Variants in ADGRF5 observed in about 807,000 individuals in gnomAD.
ADGRF5 encodes G-protein coupled receptor 116.
A neutral mutation model predicts 132.3 loss-of-function variants in ADGRF5; 75 were observed. That is an observed-to-expected ratio of 0.57 (90% CI 0.47 to 0.69). The LOEUF is 0.69. ADGRF5 is among the 30% of genes least tolerant of loss of function. The probability of loss-of-function intolerance (pLI) is 0.00; values close to 1 mark genes in which losing one functional copy is unlikely to be tolerated. For missense variants in ADGRF5, 1,516 were observed against 1,630.6 expected (o/e 0.93, Z 1.21); for synonymous variants, 629 against 597.6 (o/e 1.05, Z -0.77).
rs369575219 is a variant in ADGRF5, at chr6:46,877,306, T to TCC, written c.1240+895_1240+896insGG. Among the ~76,000 whole-genome samples, 697 of 77,004 alleles carry TCC rather than the reference T, an allele frequency of 9.1e-3. 15 individuals carry two copies. The highest frequency in any genetic ancestry group is 0.014 in the South Asian group (28 of 2,070). 50.5% of individuals were successfully genotyped at this position (77,004 alleles called of 152,430 possible). ...TTCTTTCTTTCTCTCTCTCTCTCTC[T>TCC]TTCCTTCCTTCCTTCCTTCTTTCTT... is the stretch of plus-strand genomic sequence containing the variant. On this transcript the variant is annotated intron_variant, in intron 10 of 20. Transcript: ENST00000283296.
In ADGRF5 at chr6:46,884,147, G is replaced by A. The variant is rs775023992; in HGVS notation, c.453C>T (p.Cys151=). 1 of 1,614,088 alleles carries A rather than the reference G, an allele frequency of 6.2e-7. No homozygotes were observed. The highest frequency in any genetic ancestry group is 8.5e-7 in the Non-Finnish European group (1 of 1,179,940). Residue 151 remains cysteine (C), a synonymous_variant, in exon 5 of 21, where the codon TGC becomes TGT. Coordinates refer to ENST00000283296, the MANE Select transcript of ADGRF5 (RefSeq NM_001098518.2). ...ERDVFLPGHH[C]SCLKELPPNG... is the part of the protein sequence containing the mutation. ...TGGGAGGCAGTTCTTTAAGGCAACT[G>A]CAATGGTGCCCTGGGAGGAAGACGT...
At chr6:46,855,155 A>G (rs549886975) in intron 20 of ADGRF5, among the ~76,000 whole-genome samples, 1 of 152,322 alleles carries the variant, frequency 6.6e-6, no homozygotes, top group African/African-American at 2.4e-5. Flanking sequence ...CATTCATTTC[A>G]TATCTCCAAT....
At chr6:46,857,609 A>G (rs1220179478) in intron 17 of ADGRF5, among the ~76,000 whole-genome samples, 2 of 152,200 alleles carry the variant, frequency 1.3e-5, no homozygotes, top group Non-Finnish European at 2.9e-5. Flanking sequence ...ATTGTAGTAT[A>G]ATCAAGCAGA....
chr6:46,922,022 A>G (rs950641027), upstream of ADGRF5: 1 of 152,128 alleles, frequency 6.6e-6, no homozygotes, highest in African/African-American at 2.4e-5. Flanking sequence ...GATTTCCCTC[A>G]CGCCCATGGG....
intron 1 of ADGRF5, among the ~76,000 whole-genome samples, chr6:46,914,123 A>G (rs1406585632): frequency 1.3e-5 from 2 of 152,210 alleles, no homozygotes; most frequent in African/African-American, 4.8e-5. Flanking sequence ...ATAGATGGCA[A>G]TGCCAACTTT....
intron 16 of ADGRF5, among the ~76,000 whole-genome samples, chr6:46,859,778 CT>C (rs1180996499): frequency 6.6e-6 from 1 of 151,638 alleles, no homozygotes; most frequent in African/African-American, 2.4e-5. Flanking sequence ...ACACACCCTA[CT>C]CTCTAAGGCC....
intron 13 of ADGRF5, among the ~76,000 whole-genome samples, chr6:46,866,136 C>G (rs189600600): frequency 3.4e-4 from 51 of 152,020 alleles, no homozygotes; most frequent in African/African-American, 1.2e-3. Context: ...TAGGGTGCTA[C>G]CAATGGACAA....
intron 12 of ADGRF5, 81 bp downstream of exon 12, chr6:46,868,802 A>G (rs923875822): frequency 8.3e-6 from 7 of 846,352 alleles, no homozygotes; most frequent in Non-Finnish European, 1.3e-5. Flanking sequence ...GTCTCAAAGA[A>G]GACCCTACAC....
rs1485846288 is a variant in ADGRF5 at position 46,942,728 on chromosome 6, C to A, written c.-25+12006G>T. 2.0e-5 allele frequency among the ~76,000 whole-genome samples: 3 copies of A among 152,286 alleles called. No homozygotes were observed. The East Asian group carries it at 5.8e-4, about 29-fold the overall frequency. Reference sequence around the variant, plus strand: ...TCTCTATTTCTCTTTCATCCTCTTTCTTTCTCTAAATATGCCTATTTTATC... The same window carrying A: ...TCTCTATTTCTCTTTCATCCTCTTTATTTCTCTAAATATGCCTATTTTATC... On this transcript the variant is annotated intron_variant, in intron 1 of 20. Transcript: ENST00000265417.
chr6:46,919,235 T>TA (rs966282181), intron 1 of ADGRF5, among the ~76,000 whole-genome samples: 3 of 151,908 alleles, frequency 2.0e-5, no homozygotes, highest in East Asian at 3.9e-4. Context: ...AGTACTGACA[T>TA]AAAAAAAATG....
At chr6:46,879,146 T>A (rs912102647) in intron 9 of ADGRF5, among the ~76,000 whole-genome samples, 16 of 151,966 alleles carry the variant, frequency 1.1e-4, no homozygotes, top group South Asian at 6.2e-4. Context: ...TAAATTTTTT[T>A]AAAAATCAAT....
intron 3 of ADGRF5, among the ~76,000 whole-genome samples, chr6:46,890,347 C>T (rs1440498508): frequency 2.6e-5 from 4 of 151,948 alleles, no homozygotes; most frequent in Non-Finnish European, 5.9e-5. Flanking sequence ...CCTGCCTTGG[C>T]CTCCCAAAGT....
intron 16 of ADGRF5, 97 bp downstream of exon 16, chr6:46,860,618 A>T: frequency 2.4e-6 from 2 of 820,192 alleles, no homozygotes; most frequent in Non-Finnish European, 4.0e-6. Context: ...GAAAAGACAG[A>T]GAAGCTGCAA....
At chr6:46,889,172 T>C (rs1020981581) in intron 3 of ADGRF5, among the ~76,000 whole-genome samples, 3 of 119,516 alleles carry the variant, frequency 2.5e-5, no homozygotes, top group African/African-American at 6.7e-5. Context: ...TGTATATGTG[T>C]GTGTATGTGT....
intron 10 of ADGRF5, among the ~76,000 whole-genome samples, chr6:46,874,958 A>G (rs1185954683): frequency 6.6e-6 from 1 of 152,212 alleles, no homozygotes; most frequent in Non-Finnish European, 1.5e-5. Context: ...CAATGCACAG[A>G]ACAGTTCCAC....
chr6:46,927,506 A>G (rs568331522), intron 1 of ADGRF5, among the ~76,000 whole-genome samples: 19 of 152,070 alleles, frequency 1.2e-4, no homozygotes, highest in Non-Finnish European at 2.4e-4. Context: ...TCCCATCCCC[A>G]ATTTTCTGGT....
intron 11 of ADGRF5, chr6:46,870,749 C>A: frequency 2.6e-6 from 1 of 385,404 alleles, no homozygotes; most frequent in Non-Finnish European, 5.2e-6. Flanking sequence ...TTAACATGTC[C>A]CTAAGACAGG....
Position 46,858,215 on chromosome 6 carries a change from G to A in ADGRF5, c.3688C>T (p.Leu1230Phe). 1.2e-6 allele frequency: 2 copies of A among 1,614,150 alleles called. No homozygotes were observed. Among genetic ancestry groups the A allele is most frequent in the Non-Finnish European group, 1.7e-6 (2 of 1,180,000 alleles). Reference sequence around the variant, plus strand: ...GTGGTGAGACCAAAACCCCAAGTGAGGCCCAAGAGTGGTGTGAGGACCCCA... The same window carrying A: ...GTGGTGAGACCAAAACCCCAAGTGAAGCCCAAGAGTGGTGTGAGGACCCCA... The part of the protein sequence containing the change: ...SIGVLTPLLG[L>F]TWGFGLTTVF... Residue 1230 changes from leucine to phenylalanine, a missense_variant, in exon 17 of 21, where the codon CTC becomes TTC. By Grantham distance (22) the Leu-to-Phe change is conservative (BLOSUM62 0). Transcript: ENST00000283296.
chr6:46,939,255 A>G (rs570708230), intron 1 of ADGRF5, among the ~76,000 whole-genome samples: 1 of 152,134 alleles, frequency 6.6e-6, no homozygotes, highest in Non-Finnish European at 1.5e-5. Flanking sequence ...TGGGGCAGGA[A>G]TCTTGCTTTA....
Sources: allele counts gnomAD v4.1 joint callset (sites outside exome capture counted in the v4.1 genomes callset), GRCh38; gene constraint gnomAD v4.1.1; transcripts MANE v1.5; gene names NCBI Gene and HGNC (gene_info 2026-07-23, HGNC 2026-07-21).